The following ZNHIT6 variants were observed in gnomAD, a reference collection of about 807,000 sequenced individuals.
ZNHIT6 encodes the protein zinc finger HIT-type containing 6.
A neutral mutation model predicts 57.2 loss-of-function variants in ZNHIT6; 45 were observed. The observed-to-expected ratio is 0.79, with a 90% CI of 0.62 to 1.01. The LOEUF (loss-of-function observed/expected upper bound fraction) is 1.01, where lower values mean the gene tolerates loss of function less well. ZNHIT6 is among the 50% of genes least tolerant of loss of function. ZNHIT6 has a pLI of 0.00. For synonymous variants in ZNHIT6, 188 were observed against 190.0 expected (o/e 0.99, Z 0.09); for missense variants, 528 against 567.3 (o/e 0.93, Z 0.70).
chr1:85,701,397 A>G (rs1437297476), intron 5 of ZNHIT6, among the ~76,000 whole-genome samples: 1 of 152,162 alleles, frequency 6.6e-6, no homozygotes, highest in Non-Finnish European at 1.5e-5. Flanking sequence ...TCTAAATCCA[A>G]AATCTTGACT....
chr1:85,708,155 C>G lies in ZNHIT6; in HGVS notation c.130G>C (p.Gly44Arg). The change falls in exon 1 of 10, where the codon GGC becomes CGC. Residue 44 changes from glycine (G) to arginine (R), a missense_variant. Physicochemically the swap from Gly to Arg is moderately radical, Grantham distance 125 (BLOSUM62 -2). Transcript: ENST00000370574. ...RDLAGAEEFG[G>R]GEEGTGLTGI... ...GTCAGCCCTGTCCCCTCCTCTCCGC[C>G]GCCGAACTCCTCCGCCCCTGCTAAG... The G allele has an allele frequency of 6.2e-7, 1 of 1,614,200 alleles. No individual in the cohort carries two copies. The highest frequency in any genetic ancestry group is 8.5e-7 in the Non-Finnish European group (1 of 1,180,040).
At chr1:85,660,717 T>A (rs1281022276) in intron 8 of ZNHIT6, among the ~76,000 whole-genome samples, 1 of 152,138 alleles carries the variant, frequency 6.6e-6, no homozygotes. Context: ...TTACACTTAC[T>A]TGGATCCTGA....
rs532745835 is a variant in ZNHIT6 at position 85,650,447 on chromosome 1, A to G, written c.*3611T>C. On this transcript the variant is annotated 3_prime_UTR_variant, in exon 10 of 10. Transcript: ENST00000370574. The stretch of plus-strand genomic sequence containing the variant: ...AGTCATTGCCTGGACTTCCCTGTAT[A>G]TAAGCCAATGAACTGCCCTTCATGC... 7 of 152,374 alleles carry G rather than the reference A, an allele frequency of 4.6e-5. No homozygotes were observed. In the East Asian group the frequency reaches 9.6e-4, roughly 21 times the overall value. The allele number at this position is 152,374 out of a possible 1,614,324, so 9.4% of individuals were successfully genotyped here.
At chr1:85,695,527 A>G (rs906658697) in intron 5 of ZNHIT6, among the ~76,000 whole-genome samples, 7 of 152,194 alleles carry the variant, frequency 4.6e-5, no homozygotes, top group Non-Finnish European at 8.8e-5. Context: ...AAGCCACTAT[A>G]TTTTGTTCAG....
intron 5 of ZNHIT6, among the ~76,000 whole-genome samples, chr1:85,695,245 G>C (rs1662333448): frequency 1.3e-5 from 2 of 152,030 alleles, no homozygotes; most frequent in Admixed American, 1.3e-4. Context: ...TCCAGCCTGG[G>C]TGACAGATGG....
intron 9 of ZNHIT6, among the ~76,000 whole-genome samples, chr1:85,657,208 C>A (rs1661084139): frequency 6.6e-6 from 1 of 151,978 alleles, no homozygotes; most frequent in Admixed American, 6.6e-5. Flanking sequence ...ATTTTATGTA[C>A]TAAACTTTTA....
intron 5 of ZNHIT6, among the ~76,000 whole-genome samples, chr1:85,684,581 G>T (rs1231829692): frequency 6.6e-6 from 1 of 152,084 alleles, no homozygotes; most frequent in African/African-American, 2.4e-5. Flanking sequence ...TACTTAGATG[G>T]CACTTGTATT....
At chr1:85,668,786 T>A (rs543921521) in intron 8 of ZNHIT6, among the ~76,000 whole-genome samples, 1 of 152,260 alleles carries the variant, frequency 6.6e-6, no homozygotes, top group South Asian at 2.1e-4. Context: ...TTTAAAAAAA[T>A]CCATTCTAAT....
chr1:85,668,687 G>GT (rs779827652), intron 8 of ZNHIT6, among the ~76,000 whole-genome samples: 7 of 152,072 alleles, frequency 4.6e-5, no homozygotes, highest in Admixed American at 1.3e-4. Flanking sequence ...ATTATTCACT[G>GT]TAAGTCTAAA....
intron 8 of ZNHIT6, 94 bp from the exon 9 acceptor site, chr1:85,658,065 T>G (rs1228017402): frequency 1.1e-6 from 1 of 871,224 alleles, no homozygotes; most frequent in Non-Finnish European, 1.6e-6. Context: ...CATTAAAAAT[T>G]TTTTAAAGGT....
chr1:85,669,573 C>T (rs1163205707), intron 8 of ZNHIT6, among the ~76,000 whole-genome samples: 4 of 152,158 alleles, frequency 2.6e-5, no homozygotes, highest in South Asian at 2.1e-4. Flanking sequence ...GGATAATATG[C>T]GCATGAACAG....
chr1:85,705,404 C>T (rs1438244174), intron 4 of ZNHIT6, among the ~76,000 whole-genome samples: 4 of 152,014 alleles, frequency 2.6e-5, no homozygotes, highest in African/African-American at 4.8e-5. Context: ...TTTATAGAGA[C>T]GGGTTTTCAC....
chr1:85,678,605 G>T, intron 7 of ZNHIT6, 96 bp downstream of exon 7: 1 of 802,572 alleles, frequency 1.2e-6, no homozygotes, highest in Non-Finnish European at 2.0e-6. Context: ...AAAGTAAATT[G>T]TACTACACAT....
rs143171944 is a variant in ZNHIT6 at position 85,691,786 on chromosome 1, G to A, written c.1019+10371C>T. Among the ~76,000 whole-genome samples the A allele has an allele frequency of 6.6e-5, 10 of 152,058 alleles. No individual in the cohort carries two copies. In the East Asian group the frequency reaches 9.7e-4, roughly 15 times the overall value. ...CTGTAGTCTCAGCTCCCTGAGAGGCGGACGCACAAGAATCATTTGAACCCA... is the reference window on the plus strand; with the variant it reads ...CTGTAGTCTCAGCTCCCTGAGAGGCAGACGCACAAGAATCATTTGAACCCA... On this transcript the variant is annotated intron_variant, in intron 5 of 9. Transcript: ENST00000370574.
At chr1:85,707,571 C>T in intron 1 of ZNHIT6, 58 bp downstream of exon 1, 1 of 1,487,376 alleles carries the variant, frequency 6.7e-7, no homozygotes, top group South Asian at 1.4e-5. Flanking sequence ...GTTTCCTTCA[C>T]TCTAGACATG....
At chr1:85,654,184 T>G in intron 9 of ZNHIT6, 86 bp from the exon 10 acceptor site, 1 of 1,186,244 alleles carries the variant, frequency 8.4e-7, no homozygotes, top group South Asian at 1.4e-5. Context: ...CTCCTTCTGA[T>G]GTACAGCAAA....
intron 5 of ZNHIT6, among the ~76,000 whole-genome samples, chr1:85,698,591 T>C (rs1200265566): frequency 6.6e-6 from 1 of 152,170 alleles, no homozygotes; most frequent in Non-Finnish European, 1.5e-5. Flanking sequence ...CAACTTGAGA[T>C]TTTGACTATA....
chr1:85,667,961 A>AATATAT (rs1553155849), intron 8 of ZNHIT6, among the ~76,000 whole-genome samples: 94 of 18,052 alleles, frequency 5.2e-3, no homozygotes, highest in South Asian at 0.013. Context: ...AAAAAAAAAA[A>AATATAT]ATATATATAT....
intron 5 of ZNHIT6, among the ~76,000 whole-genome samples, chr1:85,695,562 T>A (rs547502670): frequency 2.0e-5 from 3 of 152,258 alleles, no homozygotes; most frequent in Non-Finnish European, 2.9e-5. Context: ...AAATAATTGA[T>A]TAAAAGAAAC....
Sources: gnomAD v4.1 joint callset for allele counts (sites outside exome capture counted in the v4.1 genomes callset) on GRCh38, gnomAD v4.1.1 for gene constraint, MANE v1.5 for transcripts, NCBI Gene and HGNC (gene_info 2026-07-23, HGNC 2026-07-21) for gene names.